Variants in RIPOR2 observed in about 807,000 individuals in gnomAD.
The protein encoded by RIPOR2 is rho family-interacting cell polarization regulator 2.
Under a neutral mutation model 114.5 loss-of-function variants are expected in RIPOR2, and 39 were observed. The observed-to-expected ratio is 0.34, with a 90% confidence interval of 0.26 to 0.44. RIPOR2 has a LOEUF of 0.44. Among genes scored for constraint, RIPOR2 ranks in the 20% least tolerant of loss-of-function variants. The pLI, the probability that RIPOR2 is intolerant of heterozygous loss-of-function variation, is 1.00. For synonymous variants in RIPOR2, 445 were observed against 484.4 expected (o/e 0.92, Z 1.07); for missense variants, 1,007 against 1,255.1 (o/e 0.80, Z 2.99).
At chr6:24,843,639 G>C in intron 12 of RIPOR2, 85 bp from the exon 13 acceptor site, 1 of 1,031,742 alleles carries the variant, frequency 9.7e-7, no homozygotes, top group Non-Finnish European at 1.4e-6. Context: ...CAGAATATAA[G>C]GCAATTACAA....
intron 1 of RIPOR2, among the ~76,000 whole-genome samples, chr6:25,005,428 AATG>A (rs1386722164): frequency 6.6e-6 from 1 of 152,092 alleles, no homozygotes; most frequent in East Asian, 1.9e-4. Context: ...TCTATACAAC[AATG>A]ATATTTTGTG....
chr6:24,844,658 A>G (rs35028341), intron 12 of RIPOR2, among the ~76,000 whole-genome samples: 38,467 of 151,552 alleles, frequency 0.25, 6,051 homozygotes, highest in Non-Finnish European at 0.36. Context: ...TTTTCTTTGT[A>G]GTGAGACAGG....
At chr6:24,936,877 G>C (rs1482057043), upstream of RIPOR2, among the ~76,000 whole-genome samples, 1 of 152,166 alleles carries the variant, frequency 6.6e-6, no homozygotes, top group African/African-American at 2.4e-5. Context: ...AATGCAAATG[G>C]AGATGACAGT....
chr6:25,035,240 AG>A (rs1777182349), intron 1 of RIPOR2, among the ~76,000 whole-genome samples: 1 of 152,214 alleles, frequency 6.6e-6, no homozygotes, highest in Non-Finnish European at 1.5e-5. Context: ...ACTGAAACCC[AG>A]GAAAATATGT....
At position 24,805,385 on chromosome 6, in the gene RIPOR2, T is replaced by C. The variant is rs972989672; in HGVS notation, c.*988A>G. The C allele has an allele frequency of 6.6e-6, 1 of 151,928 alleles. No homozygotes were observed. Among genetic ancestry groups the C allele is most frequent in the African/African-American group, 2.4e-5 (1 of 41,374 alleles). 9.4% of individuals were successfully genotyped at this position (151,928 alleles called of 1,614,324 possible). A position where few individuals can be genotyped will look rare whatever the true frequency, so the allele number is the denominator to read the frequency against. On this transcript the variant is annotated 3_prime_UTR_variant, in exon 22 of 22. Transcript: ENST00000643898. The stretch of plus-strand genomic sequence containing the variant: ...TGGGGAAAAGAAACAAAATAAATTA[T>C]GGGAGTTTTTTGTTTTTTTTTTTGA...
At chr6:24,910,243 C>T (rs977638007) in intron 1 of RIPOR2, among the ~76,000 whole-genome samples, 1 of 152,162 alleles carries the variant, frequency 6.6e-6, no homozygotes, top group Non-Finnish European at 1.5e-5. Context: ...CCCCTCTTCC[C>T]AATTCTCATC....
At chr6:24,809,907 G>T (rs1215331951) in intron 20 of RIPOR2, 100 bp from the exon 21 acceptor site, 7 of 783,960 alleles carry the variant, frequency 8.9e-6, no homozygotes, top group East Asian at 2.7e-5. Context: ...GCCTCACTTT[G>T]TTGCCCAGGC....
At chr6:24,847,767 C>A in intron 12 of RIPOR2, 1 of 1,408,482 alleles carries the variant, frequency 7.1e-7, no homozygotes, top group South Asian at 1.4e-5. Context: ...TTTTAGCAAG[C>A]ATTTTTGATT....
At chr6:24,980,622 G>T (rs1774246752) in intron 1 of RIPOR2, among the ~76,000 whole-genome samples, 1 of 152,232 alleles carries the variant, frequency 6.6e-6, no homozygotes, top group African/African-American at 2.4e-5. Flanking sequence ...TGAATGAGGA[G>T]TCATGTGTAC....
rs546779175 is a variant in RIPOR2, at chr6:25,017,589, A to G, written c.76+24262T>C. ...TCCGGCCCTCTGGTCTCACCTGGCC[A>G]CGCCTATCACCCCTATTCAGTGCCC... is the stretch of plus-strand genomic sequence containing the variant. On this transcript the variant is annotated intron_variant, in intron 1 of 13. Coordinates refer to the RIPOR2 transcript ENST00000510784. Among the ~76,000 whole-genome samples the G allele has an allele frequency of 4.6e-5, 7 of 152,306 alleles. No individual in the cohort carries two copies. The East Asian group carries it at 1.3e-3, about 29-fold the overall frequency.
chr6:24,957,983 T>C lies in RIPOR2; in HGVS notation c.77-82166A>G, dbSNP rs1438289136. On this transcript the variant is annotated intron_variant, in intron 1 of 13. Coordinates refer to the RIPOR2 transcript ENST00000510784. ...AAACTGGATCAGTCTTTCTTGAGTG[T>C]ATGATGGTGACAAGTAACATACTCT... Among the ~76,000 whole-genome samples the C allele has an allele frequency of 2.6e-5, 4 of 152,152 alleles. No homozygotes were observed. The South Asian group carries it at 6.2e-4, about 24-fold the overall frequency.
In RIPOR2 at chr6:25,020,970, C is replaced by T. The variant is rs576292962; in HGVS notation, c.76+20881G>A. Among the ~76,000 whole-genome samples the T allele has an allele frequency of 6.6e-5, 10 of 152,258 alleles. No homozygotes were observed. In the South Asian group the frequency reaches 1.7e-3, roughly 25 times the overall value. On this transcript the variant is annotated intron_variant, in intron 1 of 13. Coordinates refer to the RIPOR2 transcript ENST00000510784. ...CTTCTGGGTTCAAATGATTCTCCTG[C>T]CTCAGCCTCCCAAGTAGCTGGGATT...
intron 1 of RIPOR2, among the ~76,000 whole-genome samples, chr6:24,996,250 G>A (rs1354294424): frequency 1.3e-5 from 2 of 152,146 alleles, no homozygotes; most frequent in East Asian, 1.9e-4. Context: ...ATATTTTTCA[G>A]GTCTCATCTA....
intron 1 of RIPOR2, among the ~76,000 whole-genome samples, chr6:25,029,399 CG>C (rs1167848990): frequency 8.9e-6 from 1 of 112,956 alleles, no homozygotes; most frequent in Admixed American, 1.1e-4. Flanking sequence ...AGCGAGACTC[CG>C]TCTCAAAAAA....
At chr6:24,980,718 G>A (rs1004680663) in intron 1 of RIPOR2, among the ~76,000 whole-genome samples, 2 of 152,208 alleles carry the variant, frequency 1.3e-5, no homozygotes, top group Non-Finnish European at 2.9e-5. Context: ...GTGTTGTGGA[G>A]TCACAGGGGG....
chr6:24,849,522 A>G (rs1762647133), intron 11 of RIPOR2, among the ~76,000 whole-genome samples: 2 of 152,174 alleles, frequency 1.3e-5, no homozygotes, highest in Admixed American at 6.5e-5. Context: ...GAGGGAAGGA[A>G]GGTGACAGAA....
intron 1 of RIPOR2, chr6:25,023,680 G>A: frequency 1.3e-6 from 1 of 763,080 alleles, no homozygotes; most frequent in Non-Finnish European, 2.4e-6. Context: ...CAGTGAAGCG[G>A]TTCTCCACGA....
At chr6:25,039,380 GT>G (rs1193025419) in intron 1 of RIPOR2, among the ~76,000 whole-genome samples, 1 of 152,132 alleles carries the variant, frequency 6.6e-6, no homozygotes, top group Admixed American at 6.5e-5. Context: ...TCCTGTTCCT[GT>G]TTCTAACTCA....
chr6:24,990,556 A>G (rs1774764485), intron 1 of RIPOR2, among the ~76,000 whole-genome samples: 1 of 152,212 alleles, frequency 6.6e-6, no homozygotes, highest in African/African-American at 2.4e-5. Context: ...ATAGTTTAAA[A>G]GCCGCTGTTT....
Sources: allele counts gnomAD v4.1 joint callset (sites outside exome capture counted in the v4.1 genomes callset), GRCh38; gene constraint gnomAD v4.1.1; transcripts MANE v1.5; gene names NCBI Gene and HGNC (gene_info 2026-07-23, HGNC 2026-07-21).